Variants in SASH1 observed in about 807,000 individuals in gnomAD.
SASH1 encodes SAM and SH3 domain-containing protein 1.
In SASH1, 44 loss-of-function variants were observed where a neutral mutation model predicts 125.2. That is an observed-to-expected ratio of 0.35 (90% CI 0.28 to 0.45). SASH1 has a LOEUF of 0.45. Among genes scored for constraint, SASH1 ranks in the 20% least tolerant of loss-of-function variants. The pLI is 1.00. For missense variants in SASH1, 1,426 were observed against 1,614.5 expected (o/e 0.88, Z 2.00); for synonymous variants, 639 against 649.1 (o/e 0.98, Z 0.24).
At chr6:148,201,056 C>G in the SASH1 span, among the ~76,000 whole-genome samples, 1 of 152,118 alleles carries the variant, frequency 6.6e-6, no homozygotes, top group Non-Finnish European at 1.5e-5. Context: ...TTTCCATCTA[C>G]CACGTAAATA....
At chr6:148,416,071 G>A (rs1360472521) in intron 2 of SASH1, among the ~76,000 whole-genome samples, 1 of 152,196 alleles carries the variant, frequency 6.6e-6, no homozygotes, top group Non-Finnish European at 1.5e-5. Context: ...AGAAAAGCTG[G>A]CCTTTGTCTT....
intron 4 of SASH1, among the ~76,000 whole-genome samples, chr6:148,449,549 G>A (rs374490922): frequency 4.2e-4 from 64 of 151,838 alleles, no homozygotes; most frequent in African/African-American, 9.9e-4. Flanking sequence ...CACCATGCCC[G>A]GCTAATTTTG....
chr6:148,491,780 G>C (rs1583247170), intron 8 of SASH1, among the ~76,000 whole-genome samples: 1 of 152,172 alleles, frequency 6.6e-6, no homozygotes, highest in Non-Finnish European at 1.5e-5. Flanking sequence ...AGCCCTGCCT[G>C]GTTTACTTTT....
At chr6:148,477,461 G>T (rs950884734) in intron 7 of SASH1, among the ~76,000 whole-genome samples, 7 of 152,118 alleles carry the variant, frequency 4.6e-5, no homozygotes, top group Non-Finnish European at 8.8e-5. Context: ...ATGTGAAAAG[G>T]TGCTCAACAT....
intron 8 of SASH1, chr6:148,508,716 C>G: frequency 8.3e-7 from 1 of 1,205,742 alleles, no homozygotes; most frequent in South Asian, 1.5e-5. Context: ...CCTGCCTGAT[C>G]ATGTAACTCC....
At chr6:148,421,146 G>GAAGGAAGGAAGAAAAGA (rs1554254949) in intron 2 of SASH1, among the ~76,000 whole-genome samples, 1 of 71,192 alleles carries the variant, frequency 1.4e-5, no homozygotes, top group Non-Finnish European at 3.1e-5. Context: ...AGGAAGGAAG[G>GAAGGAAGGAAGAAAAGA]AAGAAAGAAA....
intron 1 of SASH1, among the ~76,000 whole-genome samples, chr6:148,370,587 G>A (rs1297401657): frequency 2.0e-5 from 3 of 152,164 alleles, no homozygotes; most frequent in Non-Finnish European, 4.4e-5. Flanking sequence ...ACTTTGGGAA[G>A]CCAAGGTGGG....
chr6:148,276,520 C>T (rs977925985), intron 1 of SASH1, among the ~76,000 whole-genome samples: 7 of 151,870 alleles, frequency 4.6e-5, no homozygotes, highest in South Asian at 4.2e-4. Flanking sequence ...AGCGCCCAGT[C>T]GATTTGTAAG....
chr6:148,380,086 A>T (rs1207934555), intron 1 of SASH1, among the ~76,000 whole-genome samples: 3 of 152,168 alleles, frequency 2.0e-5, no homozygotes, highest in Non-Finnish European at 4.4e-5. Flanking sequence ...AGCTGTATAA[A>T]AGCAGAGGGT....
At chr6:148,306,077 T>A (rs909800229) in intron 1 of SASH1, among the ~76,000 whole-genome samples, 1 of 152,108 alleles carries the variant, frequency 6.6e-6, no homozygotes, top group Admixed American at 6.6e-5. Flanking sequence ...AAAACAATTT[T>A]AAAAAAAGAA....
the SASH1 span, among the ~76,000 whole-genome samples, chr6:148,210,985 C>T: frequency 6.6e-6 from 1 of 152,184 alleles, no homozygotes; most frequent in Non-Finnish European, 1.5e-5. Flanking sequence ...GAGCTTGTAA[C>T]AGTCTAACTC....
At chr6:148,362,433 G>A (rs1231675254) in intron 1 of SASH1, among the ~76,000 whole-genome samples, 1 of 152,074 alleles carries the variant, frequency 6.6e-6, no homozygotes, top group Non-Finnish European at 1.5e-5. Flanking sequence ...AAGCAGTGAT[G>A]TGGACTGAGC....
chr6:148,437,069 A>C (rs2114994120), intron 2 of SASH1, among the ~76,000 whole-genome samples: 1 of 152,350 alleles, frequency 6.6e-6, no homozygotes, highest in East Asian at 1.9e-4. Flanking sequence ...CTATTCTCTG[A>C]ATAAAGGGGT....
chr6:148,548,372 C>T lies in SASH1; in HGVS notation c.3558C>T (p.Leu1186=), dbSNP rs767103166. 10 of 1,614,220 alleles carry T rather than the reference C, an allele frequency of 6.2e-6. No individual in the cohort carries two copies. The highest frequency in any genetic ancestry group is 3.3e-5 in the Admixed American group (2 of 60,034). Residue 1186 remains leucine (L), a synonymous_variant, in exon 20 of 20, where the codon CTC becomes CTT. Coordinates refer to ENST00000367467, the MANE Select transcript of SASH1 (RefSeq NM_015278.5). ...PGCISSVSDW[L]ISIGLPMYAG... Reference sequence around the variant, plus strand: ...GCATTTCGTCTGTGTCAGATTGGCTCATTTCCATCGGTCTGCCCATGTACG... The same window carrying T: ...GCATTTCGTCTGTGTCAGATTGGCTTATTTCCATCGGTCTGCCCATGTACG...
rs529954788 is a variant in SASH1, at chr6:148,540,025, C to T, written c.2096-418C>T. On this transcript the variant is annotated intron_variant, in intron 16 of 19. Transcript: ENST00000367467. ...TTCAAGCACAAGTCTTACAGATCTC[C>T]GAAAAACATATGACCTAATCTCACC... Among the ~76,000 whole-genome samples the T allele has an allele frequency of 1.1e-3, 173 of 152,228 alleles. 1 individual carries two copies. The highest frequency in any genetic ancestry group is 3.4e-3 in the African/African-American group (142 of 41,542).
intron 2 of SASH1, among the ~76,000 whole-genome samples, chr6:148,434,218 A>G (rs1776196301): frequency 6.6e-6 from 1 of 151,800 alleles, no homozygotes; most frequent in Non-Finnish European, 1.5e-5. Context: ...CTGGGACTAC[A>G]GGCGCCCGCC....
At chr6:148,358,798 T>C (rs925335477) in intron 1 of SASH1, among the ~76,000 whole-genome samples, 1 of 142,588 alleles carries the variant, frequency 7.0e-6, no homozygotes, top group Non-Finnish European at 1.5e-5. Flanking sequence ...TGCAGTGGCG[T>C]GATCTCGGCT....
chr6:148,461,439 C>A (rs1253050433), intron 4 of SASH1, among the ~76,000 whole-genome samples: 1 of 152,168 alleles, frequency 6.6e-6, no homozygotes, highest in African/African-American at 2.4e-5. Flanking sequence ...TCCTGGAGTT[C>A]TAACAGTATG....
intron 1 of SASH1, among the ~76,000 whole-genome samples, chr6:148,321,274 C>T (rs755562437): frequency 2.0e-5 from 3 of 151,962 alleles, no homozygotes; most frequent in Middle Eastern, 3.2e-3. Context: ...GCCTGTAATC[C>T]CACCTACTTG....
Sources: allele counts gnomAD v4.1 joint callset (sites outside exome capture counted in the v4.1 genomes callset), GRCh38; gene constraint gnomAD v4.1.1; transcripts MANE v1.5; gene names NCBI Gene and HGNC (gene_info 2026-07-23, HGNC 2026-07-21).